The following SH3RF3 variants were observed in gnomAD, a reference collection of about 807,000 sequenced individuals.
The protein encoded by SH3RF3 is SH3 domain containing ring finger 3.
In SH3RF3, 29 loss-of-function variants were observed where a neutral mutation model predicts 66.3. The ratio of observed to expected loss-of-function variants is 0.44; its 90% CI spans 0.33 to 0.60. The LOEUF (loss-of-function observed/expected upper bound fraction) is 0.60. Among genes scored for constraint, SH3RF3 ranks in the 20% least tolerant of loss-of-function variants. SH3RF3 has a pLI of 0.04. For missense variants in SH3RF3, 1,194 were observed against 1,190.9 expected (o/e 1.00, Z -0.04); for synonymous variants, 583 against 532.0 (o/e 1.10, Z -1.32).
At chr2:109,166,912 CTG>C (rs923878892) in intron 1 of SH3RF3, among the ~76,000 whole-genome samples, 2 of 152,346 alleles carry the variant, frequency 1.3e-5, no homozygotes, top group Admixed American at 6.5e-5. Context: ...CATGCCATTA[CTG>C]TGTTTATGCA....
chr2:109,465,642 A>C (rs1313764351), intron 8 of SH3RF3, among the ~76,000 whole-genome samples: 1 of 152,236 alleles, frequency 6.6e-6, no homozygotes, highest in Non-Finnish European at 1.5e-5. Flanking sequence ...TTATAAAGAA[A>C]AGAGGTTTAA....
chr2:109,399,179 T>C (rs4676085), intron 4 of SH3RF3, among the ~76,000 whole-genome samples: 78,024 of 151,798 alleles, frequency 0.51, 20,439 homozygotes, highest in South Asian at 0.6. Context: ...TGAGCTGATT[T>C]TCAGTGGTCC....
intron 5 of SH3RF3, 125 bp from the exon 6 acceptor site, chr2:109,432,376 C>T: frequency 1.6e-6 from 2 of 1,219,228 alleles, no homozygotes; most frequent in Non-Finnish European, 2.3e-6. Context: ...TGCAGAGCCC[C>T]CATAGACTCT....
chr2:109,133,990 G>A (rs1195897218), intron 1 of SH3RF3, among the ~76,000 whole-genome samples: 2 of 152,124 alleles, frequency 1.3e-5, no homozygotes, highest in African/African-American at 4.8e-5. Context: ...TGGAGGCCAG[G>A]ATAGAGGGTG....
intron 2 of SH3RF3, among the ~76,000 whole-genome samples, chr2:109,367,845 A>C (rs1683180113): frequency 6.6e-6 from 1 of 152,236 alleles, no homozygotes; most frequent in Non-Finnish European, 1.5e-5. Flanking sequence ...CAGAGGGTGC[A>C]CAGGCTTCCA....
At chr2:109,449,739 G>A (rs1677812053) in intron 8 of SH3RF3, among the ~76,000 whole-genome samples, 1 of 152,174 alleles carries the variant, frequency 6.6e-6, no homozygotes, top group Non-Finnish European at 1.5e-5. Context: ...ATGCAAATCA[G>A]AAAAAGGTGT....
chr2:109,201,165 G>A (rs1239018907), intron 1 of SH3RF3, among the ~76,000 whole-genome samples: 3 of 152,128 alleles, frequency 2.0e-5, no homozygotes, highest in African/African-American at 7.2e-5. Flanking sequence ...TCCTTCCGGC[G>A]GCCTCTGCAT....
intron 1 of SH3RF3, among the ~76,000 whole-genome samples, chr2:109,243,960 G>T (rs1228991087): frequency 6.6e-6 from 1 of 152,220 alleles, no homozygotes; most frequent in Non-Finnish European, 1.5e-5. Context: ...TGGGCACTTG[G>T]TGGTTCTGTT....
At chr2:109,166,748 G>C (rs1020700865) in intron 1 of SH3RF3, among the ~76,000 whole-genome samples, 4 of 152,208 alleles carry the variant, frequency 2.6e-5, no homozygotes. Flanking sequence ...ATTGGTGATT[G>C]CCATAGGTTC....
intron 1 of SH3RF3, among the ~76,000 whole-genome samples, chr2:109,191,882 C>T (rs1167825951): frequency 6.6e-6 from 1 of 152,040 alleles, no homozygotes; most frequent in East Asian, 1.9e-4. Flanking sequence ...TTTTTGAAAC[C>T]TTTACTATTA....
At chr2:109,148,549 C>T (rs1226198805) in intron 1 of SH3RF3, among the ~76,000 whole-genome samples, 1 of 152,168 alleles carries the variant, frequency 6.6e-6, no homozygotes, top group Non-Finnish European at 1.5e-5. Flanking sequence ...TTACTGCTGA[C>T]TGGTGCCATT....
intron 1 of SH3RF3, among the ~76,000 whole-genome samples, chr2:109,249,605 TTCTTTCTTTC>T (rs1389679502): frequency 1.4e-4 from 21 of 145,536 alleles, no homozygotes; most frequent in Admixed American, 5.5e-4. Flanking sequence ...TTCTTTTTCT[TTCTTTCTTTC>T]TCTTTCTTTC....
Position 109,316,946 on chromosome 2 carries a change from T to C in SH3RF3, c.574-30728T>C, listed in dbSNP as rs1271857179. ...GCTTCTCTCTCTTAGTAATTCATGT[T>C]TGAGGTTCCTCCATGTCTTTTCATG... On this transcript the variant is annotated intron_variant, in intron 1 of 9. Transcript: ENST00000309415. Among the ~76,000 whole-genome samples the C allele has an allele frequency of 2.0e-5, 3 of 152,338 alleles. No individual in the cohort carries two copies. In the Middle Eastern group the frequency reaches 0.01, roughly 518 times the overall value.
rs1238235865 is a variant in SH3RF3, at chr2:109,129,289, G to A, written c.-252G>A. 2 of 683,534 alleles carry A rather than the reference G, an allele frequency of 2.9e-6. No homozygotes were observed. Among genetic ancestry groups the A allele is most frequent in the African/African-American group, 1.9e-5 (1 of 52,494 alleles). 42.3% of individuals were successfully genotyped at this position (683,534 alleles called of 1,614,324 possible). On this transcript the variant is annotated 5_prime_UTR_variant, in exon 1 of 10. Coordinates refer to ENST00000309415, the MANE Select transcript of SH3RF3 (RefSeq NM_001099289.3). Reference sequence around the variant, plus strand: ...TGCGGCGGGACAGGTGTAGCCCGCAGCCGCAGGCGCTGCGCTCAGGACTGG... The same window carrying A: ...TGCGGCGGGACAGGTGTAGCCCGCAACCGCAGGCGCTGCGCTCAGGACTGG...
At chr2:109,362,874 T>G (rs1352316116) in intron 2 of SH3RF3, among the ~76,000 whole-genome samples, 1 of 152,214 alleles carries the variant, frequency 6.6e-6, no homozygotes, top group Non-Finnish European at 1.5e-5. Context: ...TTGTCTGAAA[T>G]TAATATGGAT....
intron 1 of SH3RF3, among the ~76,000 whole-genome samples, chr2:109,184,443 G>T (rs1678140661): frequency 6.6e-6 from 1 of 152,196 alleles, no homozygotes; most frequent in Non-Finnish European, 1.5e-5. Context: ...TATTGCTGTG[G>T]CGGGGCCCTG....
chr2:109,494,872 C>G (rs1159451466), intron 9 of SH3RF3, among the ~76,000 whole-genome samples: 1 of 152,176 alleles, frequency 6.6e-6, no homozygotes, highest in African/African-American at 2.4e-5. Flanking sequence ...CTGCTCTCCT[C>G]TCCACTCTCA....
intron 1 of SH3RF3, among the ~76,000 whole-genome samples, chr2:109,258,984 A>G (rs1042447216): frequency 9.2e-5 from 14 of 152,248 alleles, no homozygotes; most frequent in African/African-American, 3.1e-4. Context: ...TGCCCTCTCT[A>G]GCTGGGTGAA....
At chr2:109,499,326 T>G (rs1454760061) in intron 9 of SH3RF3, among the ~76,000 whole-genome samples, 1 of 152,136 alleles carries the variant, frequency 6.6e-6, no homozygotes, top group Non-Finnish European at 1.5e-5. Flanking sequence ...AGTGGGTGTC[T>G]GAGGGACCGT....
Sources: gnomAD v4.1 joint callset for allele counts (sites outside exome capture counted in the v4.1 genomes callset) on GRCh38, gnomAD v4.1.1 for gene constraint, MANE v1.5 for transcripts, NCBI Gene and HGNC (gene_info 2026-07-23, HGNC 2026-07-21) for gene names.